SGCZ: variants seen among roughly 807,000 people sequenced by gnomAD.
SGCZ encodes zeta-sarcoglycan.
Under a neutral mutation model 41.3 loss-of-function variants are expected in SGCZ, and 40 were observed. The ratio of observed to expected loss-of-function variants is 0.97; its 90% CI spans 0.75 to 1.26. The LOEUF is 1.26. Ranked by LOEUF, SGCZ falls within the 50% of genes most tolerant of loss-of-function variation. The pLI, the probability that SGCZ is intolerant of heterozygous loss-of-function variation, is 0.00. For synonymous variants in SGCZ, 206 were observed against 137.5 expected (o/e 1.50, Z -3.49); for missense variants, 552 against 369.8 (o/e 1.49, Z -4.04).
chr8:14,222,841 C>G (rs896916363), intron 4 of SGCZ, among the ~76,000 whole-genome samples: 2 of 104,966 alleles, frequency 1.9e-5, no homozygotes, highest in East Asian at 3.4e-4. Context: ...GAGGCAGAGT[C>G]TTGCTCTGTC....
chr8:14,343,083 A>G (rs774156426), intron 2 of SGCZ, among the ~76,000 whole-genome samples: 13 of 152,196 alleles, frequency 8.5e-5, no homozygotes, highest in Non-Finnish European at 1.9e-4. Flanking sequence ...CATGGTGTTG[A>G]GCCTACAGGT....
At chr8:14,201,524 C>T (rs868222140) in intron 4 of SGCZ, among the ~76,000 whole-genome samples, 3 of 152,236 alleles carry the variant, frequency 2.0e-5, no homozygotes, top group South Asian at 2.1e-4. Flanking sequence ...AGAAACCACA[C>T]TCAAAGGCTA....
chr8:15,078,142 C>G (rs1358182835), intron 1 of SGCZ, among the ~76,000 whole-genome samples: 1 of 115,230 alleles, frequency 8.7e-6, no homozygotes, highest in Admixed American at 9.1e-5. Flanking sequence ...TTGGCAGGAA[C>G]TCTTCTTTTT....
intron 1 of SGCZ, among the ~76,000 whole-genome samples, chr8:15,059,031 A>G (rs1804819276): frequency 6.6e-6 from 1 of 152,078 alleles, no homozygotes; most frequent in African/African-American, 2.4e-5. Flanking sequence ...TTTGTATCTA[A>G]TTATTCTACC....
At chr8:14,325,916 T>G (rs914041958) in intron 2 of SGCZ, among the ~76,000 whole-genome samples, 11 of 146,448 alleles carry the variant, frequency 7.5e-5, no homozygotes, top group Non-Finnish European at 1.2e-4. Context: ...ATCAAGACCA[T>G]TCTGGCTAAC....
rs981401461 is a variant in SGCZ, at chr8:14,086,920, G to A, written c.*3523C>T. 4.0e-5 allele frequency among the ~76,000 whole-genome samples: 6 copies of A among 151,592 alleles called. No individual in the cohort carries two copies. Among genetic ancestry groups the A allele is most frequent in the African/African-American group, 1.5e-4 (6 of 41,346 alleles). On this transcript the variant is annotated 3_prime_UTR_variant, in exon 8 of 8. Transcript: ENST00000382080. ...AAACTTAAAAATGAATGTGACTAAA[G>A]GAAATGTCTAGTTTGATATACCCCT...
intron 1 of SGCZ, among the ~76,000 whole-genome samples, chr8:15,146,310 A>G (rs572703183): frequency 2.0e-5 from 3 of 152,346 alleles, no homozygotes; most frequent in Admixed American, 6.5e-5. Context: ...TTATATATAA[A>G]TGTTACGAAT....
intron 2 of SGCZ, among the ~76,000 whole-genome samples, chr8:14,495,860 C>G (rs1042240695): frequency 6.6e-6 from 1 of 152,066 alleles, no homozygotes; most frequent in African/African-American, 2.4e-5. Context: ...CAGAGAAAAA[C>G]AAGCCCTTCC....
chr8:14,527,240 G>C (rs1175981535), intron 2 of SGCZ, among the ~76,000 whole-genome samples: 1 of 152,138 alleles, frequency 6.6e-6, no homozygotes, highest in East Asian at 1.9e-4. Flanking sequence ...ATTATCAGTA[G>C]ATATGATGAG....
intron 5 of SGCZ, among the ~76,000 whole-genome samples, chr8:14,150,212 T>C (rs957906058): frequency 6.6e-6 from 1 of 151,848 alleles, no homozygotes; most frequent in African/African-American, 2.4e-5. Flanking sequence ...GCTGTTATGA[T>C]CAACAAAGTG....
At chr8:14,230,353 A>G (rs535391382) in intron 4 of SGCZ, among the ~76,000 whole-genome samples, 40 of 152,270 alleles carry the variant, frequency 2.6e-4, no homozygotes, top group Non-Finnish European at 2.8e-4. Context: ...TAACTTATAC[A>G]TAATGCATAC....
In SGCZ at chr8:15,058,723, G is replaced by A. The variant is rs111775991; in HGVS notation, c.39+178862C>T. ...TATCCTGTCAACACTTTTTGTGTTC[G>A]CTTAGGATCCTTGGATCCCATGTCT... is the stretch of plus-strand genomic sequence containing the variant. On this transcript the variant is annotated intron_variant, in intron 1 of 7. Transcript: ENST00000382080. 2.8e-3 allele frequency among the ~76,000 whole-genome samples: 425 copies of A among 152,202 alleles called. 6 individuals are homozygous for A. Among genetic ancestry groups the A allele is most frequent in the African/African-American group, 9.7e-3 (404 of 41,546 alleles).
chr8:14,602,182 T>G (rs1404503974), intron 1 of SGCZ, among the ~76,000 whole-genome samples: 3 of 152,124 alleles, frequency 2.0e-5, no homozygotes, highest in Non-Finnish European at 2.9e-5. Flanking sequence ...ATGGTAATTT[T>G]TCTGCTTCAG....
intron 1 of SGCZ, among the ~76,000 whole-genome samples, chr8:14,721,670 G>A (rs558185956): frequency 6.6e-6 from 1 of 152,236 alleles, no homozygotes; most frequent in South Asian, 2.1e-4. Flanking sequence ...CCCTATTTCT[G>A]TCCTTTTCCT....
intron 5 of SGCZ, among the ~76,000 whole-genome samples, chr8:14,140,333 G>C (rs531576636): frequency 1.3e-3 from 197 of 152,226 alleles, no homozygotes; most frequent in Non-Finnish European, 1.3e-3. Context: ...AATCAGGCAG[G>C]AGAAAGAAAG....
At chr8:14,302,764 A>G (rs1801239214) in intron 3 of SGCZ, among the ~76,000 whole-genome samples, 1 of 152,066 alleles carries the variant, frequency 6.6e-6, no homozygotes, top group Admixed American at 6.6e-5. Context: ...CCGACCCTAA[A>G]TTTTTTTCCA....
intron 1 of SGCZ, among the ~76,000 whole-genome samples, chr8:14,916,148 C>G (rs1799430449): frequency 6.6e-6 from 1 of 152,086 alleles, no homozygotes; most frequent in African/African-American, 2.4e-5. Flanking sequence ...TTTTTTAAAT[C>G]AGTTTTAAAA....
At chr8:14,703,451 T>C (rs952371856) in intron 1 of SGCZ, among the ~76,000 whole-genome samples, 3 of 151,972 alleles carry the variant, frequency 2.0e-5, no homozygotes, top group African/African-American at 7.2e-5. Flanking sequence ...TTTCCCTATC[T>C]AGAGAATCTA....
At chr8:14,476,552 C>A (rs1024457620) in intron 2 of SGCZ, among the ~76,000 whole-genome samples, 2 of 150,708 alleles carry the variant, frequency 1.3e-5, no homozygotes, top group African/African-American at 4.8e-5. Flanking sequence ...TGCCACATTT[C>A]TCTCTCTAAC....
Sources: allele counts gnomAD v4.1 joint callset (sites outside exome capture counted in the v4.1 genomes callset), GRCh38; gene constraint gnomAD v4.1.1; transcripts MANE v1.5; gene names NCBI Gene and HGNC (gene_info 2026-07-23, HGNC 2026-07-21).